Variants in TRIM33 observed in about 807,000 individuals in gnomAD.
TRIM33 encodes the protein E3 ubiquitin-protein ligase TRIM33.
Under a neutral mutation model 125.4 loss-of-function variants are expected in TRIM33, and 20 were observed. The observed-to-expected ratio is 0.16, with a 90% CI of 0.11 to 0.23. The LOEUF (loss-of-function observed/expected upper bound fraction) is 0.23, where lower values mean the gene tolerates loss of function less well. TRIM33 is among the 10% of genes least tolerant of loss of function. TRIM33 has a pLI of 1.00. For missense variants in TRIM33, 920 were observed against 1,411.4 expected (o/e 0.65, Z 5.58); for synonymous variants, 564 against 513.9 (o/e 1.10, Z -1.32).
At chr1:114,480,723 T>C (rs961718096) in intron 1 of TRIM33, among the ~76,000 whole-genome samples, 10 of 151,974 alleles carry the variant, frequency 6.6e-5, no homozygotes, top group African/African-American at 2.4e-4. Context: ...AACACTCCAA[T>C]GAAAAGAAGA....
At chr1:114,442,524 CTAAAAA>C (rs1648712839) in intron 4 of TRIM33, among the ~76,000 whole-genome samples, 1 of 151,442 alleles carries the variant, frequency 6.6e-6, no homozygotes, top group Non-Finnish European at 1.5e-5. Context: ...ACTGTCTCTA[CTAAAAA>C]TACAAAAATT....
At chr1:114,428,618 T>C (rs1647739753) in intron 6 of TRIM33, among the ~76,000 whole-genome samples, 1 of 152,242 alleles carries the variant, frequency 6.6e-6, no homozygotes, top group Admixed American at 6.5e-5. Context: ...AGTTGGTTTT[T>C]CTGGACAATA....
rs1169327420 is a variant in TRIM33, at chr1:114,510,784, G to A, written c.293C>T (p.Ala98Val). The A allele has an allele frequency of 6.6e-7, 1 of 1,521,046 alleles. No individual in the cohort carries two copies. Among genetic ancestry groups the A allele is most frequent in the South Asian group, 1.2e-5 (1 of 82,192 alleles). The allele number at this position is 1,521,046 out of a possible 1,614,324, so 94.2% of individuals were successfully genotyped here. The change falls in exon 1 of 20, where the codon GCT becomes GTT. Residue 98 changes from alanine (A) to valine (V), a missense_variant. Ala to Val is a moderately conservative substitution (Grantham distance 64, BLOSUM62 0). Around this residue, in one of 8 missense-constraint regions of TRIM33, gnomAD observed 233 missense variants for 189.6 expected, o/e 1.23. Coordinates refer to ENST00000358465, the MANE Select transcript of TRIM33 (RefSeq NM_015906.4). ...AGCGGGAGCCGAGGCTGGAGCTGGAGCCGGCGTCGATACTGCGCCCCCGGC... is the reference window on the plus strand; with the variant it reads ...AGCGGGAGCCGAGGCTGGAGCTGGAACCGGCGTCGATACTGCGCCCCCGGC... ...GVAGGAVSTP[A>V]PAPASAPAPG...
chr1:114,436,152 C>T (rs1474690010), intron 4 of TRIM33, among the ~76,000 whole-genome samples: 1 of 151,366 alleles, frequency 6.6e-6, no homozygotes, highest in African/African-American at 2.4e-5. Flanking sequence ...CCTGTAATCC[C>T]AGCACTTTGG....
chr1:114,480,757 A>G (rs1651280984), intron 1 of TRIM33, among the ~76,000 whole-genome samples: 1 of 152,220 alleles, frequency 6.6e-6, no homozygotes, highest in Non-Finnish European at 1.5e-5. Context: ...GATAAAAAGT[A>G]AAATCCAACT....
At chr1:114,484,981 G>T (rs1651581601) in intron 1 of TRIM33, among the ~76,000 whole-genome samples, 1 of 151,808 alleles carries the variant, frequency 6.6e-6, no homozygotes, top group Non-Finnish European at 1.5e-5. Flanking sequence ...GAACCTGGGA[G>T]GCGGAGGTTG....
intron 1 of TRIM33, among the ~76,000 whole-genome samples, chr1:114,503,035 A>G (rs1429114280): frequency 6.6e-6 from 1 of 152,120 alleles, no homozygotes; most frequent in Non-Finnish European, 1.5e-5. Context: ...AGAAAAGGGA[A>G]AAGCAGATTT....
At chr1:114,472,135 T>A (rs889173963) in intron 1 of TRIM33, among the ~76,000 whole-genome samples, 1 of 152,194 alleles carries the variant, frequency 6.6e-6, no homozygotes, top group African/African-American at 2.4e-5. Context: ...ATGAATAAAA[T>A]TTTTAAACTT....
chr1:114,422,742 A>G (rs566632848), intron 10 of TRIM33, among the ~76,000 whole-genome samples: 3 of 152,288 alleles, frequency 2.0e-5, no homozygotes, highest in Non-Finnish European at 4.4e-5. Context: ...CAAACCTTCA[A>G]ATGGGTTCGA....
At chr1:114,429,052 AGT>A (rs1170012304) in intron 6 of TRIM33, among the ~76,000 whole-genome samples, 8 of 152,208 alleles carry the variant, frequency 5.3e-5, no homozygotes, top group Non-Finnish European at 8.8e-5. Flanking sequence ...AGTAAGTTTA[AGT>A]GTATCAAAAA....
chr1:114,448,688 T>C (rs761035224), intron 4 of TRIM33, among the ~76,000 whole-genome samples: 6 of 152,118 alleles, frequency 3.9e-5, no homozygotes, highest in Admixed American at 1.3e-4. Context: ...AGGAGTTAAA[T>C]GAGATCACAA....
intron 15 of TRIM33, chr1:114,405,186 TAA>T (rs1652155601): frequency 6.4e-6 from 3 of 467,004 alleles, no homozygotes; most frequent in African/African-American, 6.0e-5. Context: ...GAATATAAAC[TAA>T]AGGCCAGGAG....
intron 4 of TRIM33, among the ~76,000 whole-genome samples, chr1:114,459,512 G>C (rs76921145): frequency 2.6e-5 from 4 of 152,110 alleles, no homozygotes; most frequent in African/African-American, 9.7e-5. Flanking sequence ...ATATGCACCC[G>C]TAATCTCAGC....
chr1:114,437,861 T>C (rs2101222267), intron 4 of TRIM33, among the ~76,000 whole-genome samples: 2 of 152,306 alleles, frequency 1.3e-5, no homozygotes, highest in South Asian at 4.1e-4. Context: ...GAGATATAAA[T>C]TATATTTAAT....
In TRIM33 at chr1:114,395,181, T is replaced by C. The variant is rs1206307463; in HGVS notation, c.*2467A>G. The C allele has an allele frequency of 4.9e-6, 1 of 203,722 alleles. No homozygotes were observed. The highest frequency in any genetic ancestry group is 2.3e-5 in the African/African-American group (1 of 43,698). 12.6% of individuals were successfully genotyped at this position (203,722 alleles called of 1,614,324 possible). Reference sequence around the variant, plus strand: ...GCAAGAAAAAAGCTTTAATAAAAAATCTAAAGTGAATACCTTAATTTAATG... The same window carrying C: ...GCAAGAAAAAAGCTTTAATAAAAAACCTAAAGTGAATACCTTAATTTAATG... On this transcript the variant is annotated 3_prime_UTR_variant, in exon 20 of 20. Coordinates refer to ENST00000358465, the MANE Select transcript of TRIM33 (RefSeq NM_015906.4).
At chr1:114,487,390 G>C (rs904357476) in intron 1 of TRIM33, among the ~76,000 whole-genome samples, 4 of 138,416 alleles carry the variant, frequency 2.9e-5, no homozygotes, top group African/African-American at 1.1e-4. Context: ...AAGGCTGAAA[G>C]AAAGTAACTC....
chr1:114,504,520 T>G (rs76533508), intron 1 of TRIM33, among the ~76,000 whole-genome samples: 6 of 152,116 alleles, frequency 3.9e-5, no homozygotes, highest in African/African-American at 1.4e-4. Flanking sequence ...GTCAGCGCAG[T>G]GAATAAGGAG....
chr1:114,478,636 T>C (rs1484565180), intron 1 of TRIM33, among the ~76,000 whole-genome samples: 1 of 152,108 alleles, frequency 6.6e-6, no homozygotes, highest in Non-Finnish European at 1.5e-5. Context: ...GTTCAAATAA[T>C]AAAATAATAT....
intron 1 of TRIM33, among the ~76,000 whole-genome samples, chr1:114,503,469 C>T (rs1041218976): frequency 3.3e-5 from 5 of 152,196 alleles, no homozygotes; most frequent in Non-Finnish European, 7.3e-5. Context: ...CAAAGCAAGA[C>T]TCCATCTCAA....
Sources: allele counts gnomAD v4.1 joint callset (sites outside exome capture counted in the v4.1 genomes callset), GRCh38; gene constraint gnomAD v4.1.1; regional missense constraint gnomAD v4.1.1; transcripts MANE v1.5; gene names NCBI Gene and HGNC (gene_info 2026-07-23, HGNC 2026-07-21).